Variants in DZIP3 observed in about 807,000 individuals in gnomAD.
DZIP3 encodes DAZ interacting zinc finger protein 3.
A neutral mutation model predicts 162.0 loss-of-function variants in DZIP3; 118 were observed. The observed-to-expected ratio is 0.73, with a 90% CI of 0.63 to 0.85. The LOEUF (loss-of-function observed/expected upper bound fraction) is 0.85. DZIP3 is among the 40% of genes least tolerant of loss of function. The pLI, the probability that DZIP3 is intolerant of heterozygous loss-of-function variation, is 0.00. For missense variants in DZIP3, 1,331 were observed against 1,407.0 expected (o/e 0.95, Z 0.86); for synonymous variants, 438 against 458.6 (o/e 0.96, Z 0.57).
In DZIP3 at chr3:108,636,818, TG is replaced by T. The variant is rs1942171125; in HGVS notation, c.1011+111del. On this transcript the variant is annotated intron_variant, in intron 11 of 32. Transcript: ENST00000361582. ...CATCATAATTAGATTCCAGCCATAT[TG>T]CCTTTAATGGTGACTGAGCTCTTGA... 4.1e-6 allele frequency: 3 copies of T among 736,588 alleles called. No homozygotes were observed. In the Admixed American group the frequency reaches 8.5e-5, roughly 21 times the overall value. 45.6% of individuals were successfully genotyped at this position (736,588 alleles called of 1,614,324 possible). A position where few individuals can be genotyped will look rare whatever the true frequency, so the allele number is the denominator to read the frequency against.
intron 6 of DZIP3, among the ~76,000 whole-genome samples, chr3:108,625,358 A>G (rs1941545128): frequency 1.3e-5 from 2 of 152,246 alleles, no homozygotes. Flanking sequence ...GAAGAATGAT[A>G]AAGAATTGTG....
At chr3:108,594,930 A>T (rs1343149099) in intron 1 of DZIP3, among the ~76,000 whole-genome samples, 5 of 152,230 alleles carry the variant, frequency 3.3e-5, no homozygotes, top group Non-Finnish European at 7.3e-5. Context: ...TAGCTAAAGT[A>T]AACATCTCCA....
intron 12 of DZIP3, among the ~76,000 whole-genome samples, chr3:108,638,804 G>A (rs555074317): frequency 1.3e-5 from 2 of 152,210 alleles, no homozygotes; most frequent in South Asian, 4.2e-4. Context: ...AACAAAAATT[G>A]GAATATATAA....
chr3:108,690,920 A>G lies in DZIP3; in HGVS notation c.*6+17A>G. ...TGATACAAGGTCGGGGTGTCTATGC[A>G]AAGGAAGCTCAGTTTTCTTTTATTA... is the stretch of plus-strand genomic sequence containing the variant. On this transcript the variant is annotated intron_variant, in intron 32 of 32. Transcript: ENST00000361582. 1 of 1,608,224 alleles carries G rather than the reference A, an allele frequency of 6.2e-7. No individual in the cohort carries two copies. Among genetic ancestry groups the G allele is most frequent in the Non-Finnish European group, 8.5e-7 (1 of 1,174,838 alleles).
rs750002191 is a variant in DZIP3 at position 108,608,093 on chromosome 3, C to A, written c.37C>A (p.Pro13Thr). Residue 13 changes from proline (P) to threonine (T), a missense_variant, in exon 3 of 33, where the codon CCT (proline) becomes ACT (threonine). Around this residue, in one of 2 missense-constraint regions of DZIP3, gnomAD observed 1,278 missense variants for 1,317.1 expected, o/e 0.97. Transcript: ENST00000361582. ...CCTCATTTTCATTTAAAATAGGCAT[C>A]CTGCTGTGGAGGATCAGAGGAAGGA... Reference protein sequence around the residue: ...SLPDEFFVRHPAVEDQRKEET... With the variant: ...SLPDEFFVRHTAVEDQRKEET... 1.2e-6 allele frequency: 2 copies of A among 1,612,012 alleles called. No individual in the cohort carries two copies. Among genetic ancestry groups the A allele is most frequent in the Non-Finnish European group, 1.7e-6 (2 of 1,178,650 alleles).
chr3:108,602,598 G>A (rs1019554042), intron 1 of DZIP3, among the ~76,000 whole-genome samples: 1 of 152,204 alleles, frequency 6.6e-6, no homozygotes, highest in Admixed American at 6.5e-5. Context: ...CTATTGAAAT[G>A]AATACGCTAG....
In DZIP3 at chr3:108,644,404, A is replaced by C. The variant is rs1298312864; in HGVS notation, c.1382A>C (p.Gln461Pro). The C allele has an allele frequency of 1.9e-6, 3 of 1,613,946 alleles. No individual in the cohort carries two copies. In the African/African-American group the frequency reaches 4.0e-5, roughly 22 times the overall value. ...TATCCTCCTAACAAGGAGTTACCGC[A>C]ATCCAAACAGTTTGACTTATGCCTC... ...LLYPPNKELP[Q>P]SKQFDLCLLL... Residue 461 changes from glutamine to proline, a missense_variant, in exon 14 of 33, where the codon CAA (glutamine) becomes CCA (proline). Gln to Pro is a moderately conservative substitution (Grantham distance 76). Coordinates refer to ENST00000361582, the MANE Select transcript of DZIP3 (RefSeq NM_014648.4).
At chr3:108,637,745 G>A (rs78875358) in intron 12 of DZIP3, among the ~76,000 whole-genome samples, 197 bp downstream of exon 12, 238 of 152,172 alleles carry the variant, frequency 1.6e-3, no homozygotes, top group African/African-American at 5.4e-3. Context: ...AAGCGGAGAT[G>A]GAGAAATTAT....
intron 16 of DZIP3, chr3:108,648,596 A>T (rs925292229): frequency 5.7e-6 from 1 of 175,822 alleles, no homozygotes; most frequent in Non-Finnish European, 1.2e-5. Context: ...TCTTATAGGC[A>T]TGAATATGTT....
chr3:108,692,219 A>G (rs190703483), intron 32 of DZIP3, among the ~76,000 whole-genome samples: 2 of 149,754 alleles, frequency 1.3e-5, no homozygotes, highest in African/African-American at 5.1e-5. Context: ...AAATATATAT[A>G]TTTTTTTTCT....
intron 1 of DZIP3, among the ~76,000 whole-genome samples, chr3:108,598,957 C>A (rs1939848450): frequency 6.6e-6 from 1 of 152,104 alleles, no homozygotes. Flanking sequence ...TAGGCACATT[C>A]CAACTATTCA....
In DZIP3 at chr3:108,624,436, CT is replaced by C; in HGVS notation, c.376-5del. The C allele has an allele frequency of 6.5e-7, 1 of 1,541,684 alleles. No individual in the cohort carries two copies. Among genetic ancestry groups the C allele is most frequent in the Non-Finnish European group, 8.9e-7 (1 of 1,121,408 alleles). ...AAATAACCAATTAACATATTTTTTTCTTTGTAGGCACACCAGATTAATATTG... is the reference window on the plus strand; with the variant it reads ...AAATAACCAATTAACATATTTTTTTCTTGTAGGCACACCAGATTAATATTG... On this transcript the variant is annotated splice_polypyrimidine_tract_variant and splice_region_variant and intron_variant, in intron 5 of 32. Transcript: ENST00000361582.
intron 19 of DZIP3, among the ~76,000 whole-genome samples, chr3:108,659,192 A>G (rs1296743550): frequency 6.6e-6 from 1 of 152,212 alleles, no homozygotes; most frequent in African/African-American, 2.4e-5. Context: ...ATAACAAAAA[A>G]AGAGAATTTT....
chr3:108,609,071 C>T (rs140946610), intron 3 of DZIP3, among the ~76,000 whole-genome samples: 1 of 152,150 alleles, frequency 6.6e-6, no homozygotes, highest in Non-Finnish European at 1.5e-5. Flanking sequence ...CTTGTGGGAA[C>T]TCTTATCATG....
intron 25 of DZIP3, 49 bp downstream of exon 25, chr3:108,675,922 G>T (rs756543709): frequency 1.3e-6 from 2 of 1,518,230 alleles, no homozygotes; most frequent in South Asian, 1.2e-5. Context: ...GTTATAGGTG[G>T]TGTAAAGTTA....
intron 19 of DZIP3, among the ~76,000 whole-genome samples, chr3:108,655,669 G>T (rs140908942): frequency 6.6e-6 from 1 of 152,226 alleles, no homozygotes; most frequent in East Asian, 1.9e-4. Flanking sequence ...TGGGTGCGGC[G>T]CACCGAGTGT....
intron 18 of DZIP3, among the ~76,000 whole-genome samples, chr3:108,653,106 G>A (rs1169520445): frequency 1.3e-5 from 2 of 151,828 alleles, no homozygotes; most frequent in Non-Finnish European, 2.9e-5. Context: ...AAGCTCTTCA[G>A]GTAGTGTAGA....
chr3:108,665,881 A>G (rs1411781966), intron 21 of DZIP3, among the ~76,000 whole-genome samples: 1 of 152,198 alleles, frequency 6.6e-6, no homozygotes, highest in East Asian at 1.9e-4. Context: ...ATAGAAGGAA[A>G]TAAAGACAGT....
At chr3:108,650,749 G>T (rs2107226637) in intron 17 of DZIP3, among the ~76,000 whole-genome samples, 1 of 151,472 alleles carries the variant, frequency 6.6e-6, no homozygotes, top group African/African-American at 2.4e-5. Flanking sequence ...TGTGTCTAAA[G>T]GTATATGAAT....
Sources: allele counts gnomAD v4.1 joint callset (sites outside exome capture counted in the v4.1 genomes callset), GRCh38; gene constraint gnomAD v4.1.1; regional missense constraint gnomAD v4.1.1; transcripts MANE v1.5; gene names NCBI Gene and HGNC (gene_info 2026-07-23, HGNC 2026-07-21).